TMEM132D: variants seen among roughly 807,000 people sequenced by gnomAD.
The protein encoded by TMEM132D is transmembrane protein 132D, also known as mature OL transmembrane protein.
TMEM132D carries 21 observed loss-of-function variants against 62.3 expected under a neutral mutation model. The observed-to-expected ratio is 0.34, with a 90% CI of 0.24 to 0.49. TMEM132D has a LOEUF of 0.49. Ranked by LOEUF, TMEM132D falls within the 20% of genes least tolerant of loss-of-function variation. TMEM132D has a pLI of 0.99. For missense variants in TMEM132D, 1,346 were observed against 1,402.8 expected (o/e 0.96, Z 0.65); for synonymous variants, 621 against 575.6 (o/e 1.08, Z -1.13).
At chr12:129,295,266 G>GGAACACTGCCGGCTACACACTACA (rs1566024551) in intron 4 of TMEM132D, among the ~76,000 whole-genome samples, 1 of 151,230 alleles carries the variant, frequency 6.6e-6, no homozygotes, top group South Asian at 2.1e-4. Context: ...TAGACGCTAC[G>GGAACACTGCCGGCTACACACTACA]GAACACTGCC....
chr12:129,304,247 C>A (rs1313837539), intron 4 of TMEM132D, among the ~76,000 whole-genome samples: 1 of 152,218 alleles, frequency 6.6e-6, no homozygotes, highest in African/African-American at 2.4e-5. Context: ...TCTACACTTG[C>A]AACACCATGC....
At chr12:129,771,906 A>G (rs1870766927) in intron 1 of TMEM132D, among the ~76,000 whole-genome samples, 1 of 152,256 alleles carries the variant, frequency 6.6e-6, no homozygotes, top group Non-Finnish European at 1.5e-5. Context: ...AGTCAGTACT[A>G]TTATGCTTAT....
At chr12:129,274,809 C>A (rs1880958798) in intron 4 of TMEM132D, among the ~76,000 whole-genome samples, 1 of 152,280 alleles carries the variant, frequency 6.6e-6, no homozygotes, top group African/African-American at 2.4e-5. Flanking sequence ...ATGGCGTGAA[C>A]CCGGGAGGCG....
At chr12:129,258,303 A>G (rs1471194329) in intron 4 of TMEM132D, among the ~76,000 whole-genome samples, 3 of 152,092 alleles carry the variant, frequency 2.0e-5, no homozygotes, top group Admixed American at 1.3e-4. Flanking sequence ...ACATGCTAGC[A>G]AAGATAATTA....
intron 1 of TMEM132D, among the ~76,000 whole-genome samples, chr12:129,769,974 C>A (rs116873081): frequency 3.3e-5 from 5 of 151,830 alleles, no homozygotes; most frequent in Non-Finnish European, 5.9e-5. Flanking sequence ...CCACACCCGA[C>A]GAACGTTCTT....
intron 2 of TMEM132D, among the ~76,000 whole-genome samples, chr12:129,579,908 G>A (rs568142421): frequency 5.3e-5 from 8 of 152,254 alleles, no homozygotes; most frequent in Middle Eastern, 3.4e-3. Flanking sequence ...GAAAGCCTAC[G>A]GTAAAGTTGG....
At position 129,163,849 on chromosome 12, in the gene TMEM132D, T is replaced by C. The variant is rs190540633; in HGVS notation, c.1443+45671A>G. Among the ~76,000 whole-genome samples the C allele has an allele frequency of 1.4e-3, 208 of 152,368 alleles. 1 individual carries two copies. The highest frequency in any genetic ancestry group is 4.7e-3 in the African/African-American group (197 of 41,590). ...ACAGCGATAATTGGCTACTTTATTC[T>C]AATCCAGGCTTATCTTGTTTACTCC... is the stretch of plus-strand genomic sequence containing the variant. On this transcript the variant is annotated intron_variant, in intron 5 of 8. Coordinates refer to ENST00000422113, the MANE Select transcript of TMEM132D (RefSeq NM_133448.3).
intron 4 of TMEM132D, among the ~76,000 whole-genome samples, chr12:129,218,327 C>T (rs761963056): frequency 7.2e-5 from 11 of 152,156 alleles, no homozygotes; most frequent in Non-Finnish European, 1.0e-4. Context: ...CATTGTTAGG[C>T]GATTTCATCG....
chr12:129,212,094 G>T (rs894280565), intron 4 of TMEM132D: 2 of 152,304 alleles, frequency 1.3e-5, no homozygotes, highest in East Asian at 3.9e-4. Flanking sequence ...TCTGACATCA[G>T]TCTCAGGGAA....
At chr12:129,569,767 A>G (rs1877460437) in intron 2 of TMEM132D, among the ~76,000 whole-genome samples, 1 of 152,174 alleles carries the variant, frequency 6.6e-6, no homozygotes, top group Non-Finnish European at 1.5e-5. Context: ...CTGTGAGATG[A>G]CTGGCTGCTG....
At chr12:129,884,773 C>G (rs529042418) in intron 1 of TMEM132D, among the ~76,000 whole-genome samples, 1 of 152,302 alleles carries the variant, frequency 6.6e-6, no homozygotes, top group East Asian at 1.9e-4. Context: ...TGGGTATTTA[C>G]CTACATACCT....
intron 1 of TMEM132D, among the ~76,000 whole-genome samples, chr12:129,776,508 C>T (rs1870927286): frequency 6.6e-6 from 1 of 152,050 alleles, no homozygotes; most frequent in Non-Finnish European, 1.5e-5. Flanking sequence ...TCTCAGGGAC[C>T]AGTGGTTGAC....
At chr12:129,165,182 T>A (rs1257536199) in intron 5 of TMEM132D, among the ~76,000 whole-genome samples, 1 of 152,186 alleles carries the variant, frequency 6.6e-6, no homozygotes, top group Non-Finnish European at 1.5e-5. Flanking sequence ...ATTATGAAGA[T>A]GTCAGAATAG....
At chr12:129,531,029 T>G (rs758814142) in intron 3 of TMEM132D, 30 bp downstream of exon 3, 1 of 1,564,484 alleles carries the variant, frequency 6.4e-7, no homozygotes, top group Non-Finnish European at 8.7e-7. Flanking sequence ...GCAGCTGATC[T>G]GAATATATCG....
At chr12:129,228,340 G>T (rs1222197137) in intron 4 of TMEM132D, among the ~76,000 whole-genome samples, 1 of 152,056 alleles carries the variant, frequency 6.6e-6, no homozygotes, top group Non-Finnish European at 1.5e-5. Context: ...TTGAGTTTTT[G>T]TTTTGGGCAG....
chr12:129,736,536 G>A (rs978632093), intron 1 of TMEM132D, among the ~76,000 whole-genome samples: 2 of 152,058 alleles, frequency 1.3e-5, no homozygotes, highest in African/African-American at 4.8e-5. Context: ...GAGACAGAAG[G>A]TCGGCAGCTG....
chr12:129,704,499 G>C (rs1440462046), intron 1 of TMEM132D, among the ~76,000 whole-genome samples: 1 of 152,178 alleles, frequency 6.6e-6, no homozygotes, highest in Non-Finnish European at 1.5e-5. Flanking sequence ...GACAGTGATG[G>C]GGGCAGGAGG....
chr12:129,457,032 C>T (rs895789482), intron 3 of TMEM132D, among the ~76,000 whole-genome samples: 5 of 151,828 alleles, frequency 3.3e-5, no homozygotes, highest in Admixed American at 6.6e-5. Flanking sequence ...GTCAGTGTGG[C>T]GATTCCTCAG....
At chr12:129,451,977 C>T (rs1030834947) in intron 3 of TMEM132D, among the ~76,000 whole-genome samples, 2 of 152,186 alleles carry the variant, frequency 1.3e-5, no homozygotes, top group Admixed American at 6.5e-5. Context: ...AAGTAGCAAT[C>T]TGCCATAGAG....
Sources: allele counts gnomAD v4.1 joint callset (sites outside exome capture counted in the v4.1 genomes callset), GRCh38; gene constraint gnomAD v4.1.1; transcripts MANE v1.5; gene names NCBI Gene and HGNC (gene_info 2026-07-23, HGNC 2026-07-21).